Variants in PRTG observed in about 807,000 individuals in gnomAD.
The protein encoded by PRTG is protogenin.
Under a neutral mutation model 122.5 loss-of-function variants are expected in PRTG, and 67 were observed. The ratio of observed to expected loss-of-function variants is 0.55; its 90% CI spans 0.45 to 0.67. PRTG has a LOEUF of 0.67. PRTG is among the 30% of genes least tolerant of loss of function. The pLI is 0.00. For synonymous variants in PRTG, 554 were observed against 501.1 expected (o/e 1.11, Z -1.41); for missense variants, 1,435 against 1,415.4 (o/e 1.01, Z -0.22).
rs2031652147 is a variant in PRTG at position 55,742,700 on chromosome 15, G to C, written c.94+138C>G. ...GTTCCGGACAGGCCGCAGGGCGAGA[G>C]CGGGGGCCGGGGGTCAGCGCCACCA... is the stretch of plus-strand genomic sequence containing the variant. On this transcript the variant is annotated intron_variant, in intron 1 of 19. Transcript: ENST00000389286. 5.8e-6 allele frequency: 6 copies of C among 1,029,954 alleles called. No individual in the cohort carries two copies. The South Asian group carries it at 9.1e-5, about 16-fold the overall frequency. The allele number at this position is 1,029,954 out of a possible 1,614,324, so 63.8% of individuals were successfully genotyped here. A position where few individuals can be genotyped will look rare whatever the true frequency, so the allele number is the denominator to read the frequency against.
At chr15:55,704,799 TA>T (rs1478259659) in intron 2 of PRTG, among the ~76,000 whole-genome samples, 1 of 152,204 alleles carries the variant, frequency 6.6e-6, no homozygotes, top group Non-Finnish European at 1.5e-5. Context: ...TCATAGCTGT[TA>T]AATTAAAAAG....
chr15:55,676,875 G>A (rs2059505728), intron 8 of PRTG, among the ~76,000 whole-genome samples: 1 of 152,090 alleles, frequency 6.6e-6, no homozygotes, highest in Non-Finnish European at 1.5e-5. Context: ...CATGACCCCT[G>A]ATTTACATTC....
intron 2 of PRTG, among the ~76,000 whole-genome samples, chr15:55,699,809 G>A (rs1018440116): frequency 6.6e-6 from 1 of 152,096 alleles, no homozygotes; most frequent in Non-Finnish European, 1.5e-5. Context: ...GAACTAGCAT[G>A]ATTATATTAA....
intron 2 of PRTG, among the ~76,000 whole-genome samples, chr15:55,699,643 CATAAAT>C (rs1567105663): frequency 6.6e-6 from 1 of 152,102 alleles, no homozygotes; most frequent in East Asian, 1.9e-4. Flanking sequence ...TATATCTGTA[CATAAAT>C]ATATGTATCA....
intron 12 of PRTG, 80 bp downstream of exon 12, chr15:55,641,033 T>G: frequency 1.0e-6 from 1 of 953,590 alleles, no homozygotes; most frequent in Non-Finnish European, 1.7e-6. Context: ...CAAGTAGTAG[T>G]GAGACTGTAA....
intron 2 of PRTG, among the ~76,000 whole-genome samples, chr15:55,722,134 G>A (rs2030848780): frequency 1.3e-5 from 2 of 152,154 alleles, no homozygotes; most frequent in South Asian, 4.1e-4. Flanking sequence ...TTAGTTAACA[G>A]CTGGGAATCT....
At chr15:55,628,777 T>C (rs765719527) in intron 16 of PRTG, 45 bp downstream of exon 16, 2 of 1,483,702 alleles carry the variant, frequency 1.3e-6, no homozygotes, top group East Asian at 4.6e-5. Flanking sequence ...GGAAGAACAC[T>C]TTTTTTCTTA....
chr15:55,647,544 T>C (rs2059330937), intron 11 of PRTG, among the ~76,000 whole-genome samples: 1 of 152,204 alleles, frequency 6.6e-6, no homozygotes, highest in Non-Finnish European at 1.5e-5. Context: ...TTATTTTGAC[T>C]TGGAAGATGG....
Position 55,624,477 on chromosome 15 carries a change from A to T in PRTG, c.2958T>A (p.Asn986Lys), listed in dbSNP as rs1041501697. ...TGGTACGAGGTAACTGTTGAGTTCCATTCTGTGCCGTCTTGGAAGCAGATG... is the reference window on the plus strand; with the variant it reads ...TGGTACGAGGTAACTGTTGAGTTCCTTTCTGTGCCGTCTTGGAAGCAGATG... ...RKSSASKTAQ[N>K]GTQQLPRTSA... The change falls in exon 18 of 20, where the codon AAT becomes AAA. Residue 986 changes from asparagine to lysine, a missense_variant. By Grantham distance (94) the Asn-to-Lys change is moderately conservative. Coordinates refer to ENST00000389286, the MANE Select transcript of PRTG (RefSeq NM_173814.6). The T allele has an allele frequency of 3.1e-6, 5 of 1,613,412 alleles. No individual in the cohort carries two copies. In the African/African-American group the frequency reaches 6.7e-5, roughly 22 times the overall value.
At position 55,618,759 on chromosome 15, in the gene PRTG, T is replaced by C. The variant is rs954066586; in HGVS notation, c.*1253A>G. The C allele has an allele frequency of 6.6e-6, 1 of 152,174 alleles. No individual in the cohort carries two copies. Among genetic ancestry groups the C allele is most frequent in the African/African-American group, 2.4e-5 (1 of 41,430 alleles). The allele number at this position is 152,174 out of a possible 1,614,324, so 9.4% of individuals were successfully genotyped here. ...AAAAAAATGCCTTGGTAAGATACTA[T>C]ACATCAAAATAGTTACTGATAAAAT... On this transcript the variant is annotated 3_prime_UTR_variant, in exon 20 of 20. Coordinates refer to ENST00000389286, the MANE Select transcript of PRTG (RefSeq NM_173814.6).
intron 10 of PRTG, among the ~76,000 whole-genome samples, 178 bp from the exon 11 acceptor site, chr15:55,672,811 AAAATAT>A (rs1463211262): frequency 6.6e-6 from 1 of 152,228 alleles, no homozygotes; most frequent in Non-Finnish European, 1.5e-5. Flanking sequence ...ATCAAAATTT[AAAATAT>A]ATAAAATACT....
intron 15 of PRTG, among the ~76,000 whole-genome samples, chr15:55,634,329 A>T (rs2059244571): frequency 6.6e-6 from 1 of 151,992 alleles, no homozygotes; most frequent in South Asian, 2.1e-4. Context: ...TCAGCCTCCA[A>T]ACTGCTGGGA....
At chr15:55,717,707 C>T (rs967950974) in intron 2 of PRTG, among the ~76,000 whole-genome samples, 15 of 152,158 alleles carry the variant, frequency 9.9e-5, no homozygotes, top group African/African-American at 3.6e-4. Flanking sequence ...TTTTGTTTTA[C>T]TTGCTTTATG....
At chr15:55,653,958 A>G (rs2059366930) in intron 11 of PRTG, among the ~76,000 whole-genome samples, 1 of 152,156 alleles carries the variant, frequency 6.6e-6, no homozygotes, top group Non-Finnish European at 1.5e-5. Context: ...TTATTTTTTG[A>G]CAAATGTATT....
chr15:55,642,383 G>A (rs1350563690), intron 11 of PRTG, among the ~76,000 whole-genome samples: 5 of 151,956 alleles, frequency 3.3e-5, no homozygotes, highest in African/African-American at 7.2e-5. Context: ...TTGGGAGGCC[G>A]AGGCGGGTGG....
Position 55,675,632 on chromosome 15 carries a change from T to C in PRTG, c.1433A>G (p.Tyr478Cys). Residue 478 changes from tyrosine to cysteine, a missense_variant, in exon 9 of 20, where the codon TAT becomes TGT. Coordinates refer to ENST00000389286, the MANE Select transcript of PRTG (RefSeq NM_173814.6). ...QVVIGNDTTH[Y>C]IIDDLEPASN... ...GGCAGGCTCTAAGTCATCAATAATA[T>C]AATGAGTTGTGTCATTTCCGATGAC... 6.3e-7 allele frequency: 1 copy of C among 1,598,624 alleles called. No homozygotes were observed. Among genetic ancestry groups the C allele is most frequent in the Non-Finnish European group, 8.6e-7 (1 of 1,166,180 alleles).
chr15:55,692,861 G>C (rs1474015766), intron 2 of PRTG, among the ~76,000 whole-genome samples: 1 of 77,446 alleles, frequency 1.3e-5, no homozygotes, highest in Non-Finnish European at 2.6e-5. Flanking sequence ...TTTTTTTTGA[G>C]ATGGAGGCTC....
rs572529288 is a variant in PRTG at position 55,688,211 on chromosome 15, C to T, written c.398-4280G>A. ...TTCCTTTCTGAGTCCATGCCTCAAA[C>T]ATCTAATCTGCCTTCTTCCCTATTA... On this transcript the variant is annotated intron_variant, in intron 2 of 19. Coordinates refer to ENST00000389286, the MANE Select transcript of PRTG (RefSeq NM_173814.6). Among the ~76,000 whole-genome samples the T allele has an allele frequency of 5.9e-5, 9 of 152,312 alleles. 1 individual carries two copies. Among genetic ancestry groups the T allele is most frequent in the African/African-American group, 2.2e-4 (9 of 41,572 alleles).
intron 2 of PRTG, among the ~76,000 whole-genome samples, chr15:55,724,484 C>T (rs1402407653): frequency 6.6e-6 from 1 of 152,140 alleles, no homozygotes; most frequent in Admixed American, 6.5e-5. Flanking sequence ...GGTGCTATAG[C>T]TCACATGTGT....
Sources: allele counts gnomAD v4.1 joint callset (sites outside exome capture counted in the v4.1 genomes callset), GRCh38; gene constraint gnomAD v4.1.1; transcripts MANE v1.5; gene names NCBI Gene and HGNC (gene_info 2026-07-23, HGNC 2026-07-21).